Variants in RNF139 observed in about 807,000 individuals in gnomAD.
RNF139 encodes the protein E3 ubiquitin-protein ligase RNF139.
A neutral mutation model predicts 49.5 loss-of-function variants in RNF139; 15 were observed. That is an observed-to-expected ratio of 0.30 (90% CI 0.20 to 0.47). RNF139 has a LOEUF of 0.47. RNF139 is among the 20% of genes least tolerant of loss of function. The pLI is 1.00. For missense variants in RNF139, 619 were observed against 806.3 expected, an observed-to-expected ratio of 0.77 and a Z score of 2.81; for synonymous variants, 325 against 300.9, an observed-to-expected ratio of 1.08 and a Z score of -0.83.
At chr8:124,481,856 A>AT (rs1421141096) in intron 1 of RNF139, among the ~76,000 whole-genome samples, 1 of 152,166 alleles carries the variant, frequency 6.6e-6, no homozygotes, top group Non-Finnish European at 1.5e-5. Context: ...AAACTTTGAT[A>AT]TTATTCTGCA....
chr8:124,486,907 T>C lies in RNF139; in HGVS notation c.1258T>C (p.Leu420=), dbSNP rs777035352. 6.2e-7 allele frequency: 1 copy of C among 1,614,020 alleles called. No individual in the cohort carries two copies. The highest frequency in any genetic ancestry group is 1.7e-5 in the Admixed American group (1 of 59,988). Residue 420 remains leucine (L), a synonymous_variant, in exon 2 of 2, where the codon TTG becomes CTG. Coordinates refer to ENST00000303545, the MANE Select transcript of RNF139 (RefSeq NM_007218.4). ...GCATCACTATGCACTAAATACATGG[T>C]TGTTTGCAGTTACAGCATTTTGTGT... is the stretch of plus-strand genomic sequence containing the variant. ...LWHHYALNTW[L]FAVTAFCVEL...
intron 1 of RNF139, among the ~76,000 whole-genome samples, chr8:124,480,404 TAAAAAAAAAAA>T (rs34661621): frequency 1.1e-5 from 1 of 89,056 alleles, no homozygotes; most frequent in African/African-American, 4.0e-5. Context: ...ACTCCATCAC[TAAAAAAAAAAA>T]AAAAAAAAAA....
intron 1 of RNF139, 131 bp downstream of exon 1, chr8:124,475,421 G>A: frequency 1.1e-6 from 1 of 942,390 alleles, no homozygotes; most frequent in Non-Finnish European, 1.6e-6. Context: ...TCCCTCAAAG[G>A]GTCGTCTTTA....
At chr8:124,484,735 A>T (rs1816500822) in intron 1 of RNF139, among the ~76,000 whole-genome samples, 2 of 152,200 alleles carry the variant, frequency 1.3e-5, no homozygotes, top group Admixed American at 1.3e-4. Flanking sequence ...ACAAAGAAAG[A>T]TGGTGTCTAT....
chr8:124,487,555 G>C lies in RNF139; in HGVS notation c.1906G>C (p.Asp636His), dbSNP rs1486207713. Residue 636 changes from aspartate to histidine, a missense_variant, in exon 2 of 2, where the codon GAT (aspartate) becomes CAT (histidine). By Grantham distance (81) the Asp-to-His change is moderately conservative. Coordinates refer to ENST00000303545, the MANE Select transcript of RNF139 (RefSeq NM_007218.4). ...GGAATTGAACGAAGATGACAGTACAGATTGTGATGATGATGTTCAAAGAGA... is the reference window on the plus strand; with the variant it reads ...GGAATTGAACGAAGATGACAGTACACATTGTGATGATGATGTTCAAAGAGA... ...DRELNEDDSTDCDDDVQRERN... is the reference protein window; with the variant it reads ...DRELNEDDSTHCDDDVQRERN... 10 of 1,614,030 alleles carry C rather than the reference G, an allele frequency of 6.2e-6. No homozygotes were observed. Among genetic ancestry groups the C allele is most frequent in the African/African-American group, 2.7e-5 (2 of 74,952 alleles).
chr8:124,482,572 C>T (rs149943774), intron 1 of RNF139, among the ~76,000 whole-genome samples: 1 of 152,096 alleles, frequency 6.6e-6, no homozygotes, highest in East Asian at 1.9e-4. Context: ...CATATGGCAT[C>T]TGGTAGGCTG....
At chr8:124,476,363 G>A (rs1046595746) in intron 1 of RNF139, among the ~76,000 whole-genome samples, 3 of 152,168 alleles carry the variant, frequency 2.0e-5, no homozygotes, top group African/African-American at 7.2e-5. Context: ...TCCCCCAGAG[G>A]TGGGTGGTGG....
At chr8:124,485,206 A>T (rs1816508462) in intron 1 of RNF139, among the ~76,000 whole-genome samples, 1 of 152,210 alleles carries the variant, frequency 6.6e-6, no homozygotes, top group Admixed American at 6.5e-5. Context: ...TCTACTAAAA[A>T]TACAAAAATT....
Position 124,488,195 on chromosome 8 carries a change from G to C in RNF139, c.*551G>C, listed in dbSNP as rs1816580673. The stretch of plus-strand genomic sequence containing the variant: ...GTAGCAGTGTAATTGAGCTGAGTTT[G>C]AAAGTCCTGATTCAGAGAGAGACTG... On this transcript the variant is annotated 3_prime_UTR_variant, in exon 2 of 2. Transcript: ENST00000303545. 6.6e-6 allele frequency among the ~76,000 whole-genome samples: 1 copy of C among 152,182 alleles called. No individual in the cohort carries two copies. Among genetic ancestry groups the C allele is most frequent in the Non-Finnish European group, 1.5e-5 (1 of 68,026 alleles).
At position 124,486,907 on chromosome 8, in the gene RNF139, T is replaced by G. The variant is rs777035352; in HGVS notation, c.1258T>G (p.Leu420Val). ...LWHHYALNTW[L>V]FAVTAFCVEL... The stretch of plus-strand genomic sequence containing the variant: ...GCATCACTATGCACTAAATACATGG[T>G]TGTTTGCAGTTACAGCATTTTGTGT... The change falls in exon 2 of 2, where the codon TTG (leucine) becomes GTG (valine). Residue 420 changes from leucine to valine, a missense_variant. Leu to Val is a conservative substitution (Grantham distance 32, BLOSUM62 1). This residue lies in a region of RNF139 where 530 missense variants were observed against 728.9 expected (regional missense o/e 0.73). Coordinates refer to ENST00000303545, the MANE Select transcript of RNF139 (RefSeq NM_007218.4). 4 of 1,614,020 alleles carry G rather than the reference T, an allele frequency of 2.5e-6. No individual in the cohort carries two copies. The highest frequency in any genetic ancestry group is 3.4e-6 in the Non-Finnish European group (4 of 1,179,998).
Position 124,485,918 on chromosome 8 carries a change from C to G in RNF139, c.269C>G (p.Ala90Gly), listed in dbSNP as rs1241957715. The change falls in exon 2 of 2, where the codon GCA (alanine) becomes GGA (glycine). Residue 90 changes from alanine (A) to glycine (G), a missense_variant. By Grantham distance (60) the Ala-to-Gly change is moderately conservative (BLOSUM62 0). This residue lies in a region of RNF139 where 530 missense variants were observed against 728.9 expected (regional missense o/e 0.73). Transcript: ENST00000303545. Reference sequence around the variant, plus strand: ...TACAGCTCAGCCTTTCTGTTAGCTGCAACTTCAGTGTTGGTGAATTATTAT... The same window carrying G: ...TACAGCTCAGCCTTTCTGTTAGCTGGAACTTCAGTGTTGGTGAATTATTAT... ...YTYSSAFLLA[A>G]TSVLVNYYAS... is the part of the protein sequence containing the mutation. 1 of 1,614,154 alleles carries G rather than the reference C, an allele frequency of 6.2e-7. No individual in the cohort carries two copies. The highest frequency in any genetic ancestry group is 1.1e-5 in the South Asian group (1 of 91,082).
At chr8:124,480,342 A>G (rs1045278222) in intron 1 of RNF139, among the ~76,000 whole-genome samples, 2 of 149,052 alleles carry the variant, frequency 1.3e-5, no homozygotes, top group African/African-American at 2.5e-5. Context: ...TTAAAAACCT[A>G]TGTTAATCAA....
chr8:124,475,003 G>A lies in RNF139; in HGVS notation c.-107G>A. ...CGTGAGAGAGACAGGAGAGGAAGGA[G>A]GGCAGGGGCGGAGTTGCCCGCCTTA... On this transcript the variant is annotated 5_prime_UTR_variant, in exon 1 of 2. Transcript: ENST00000303545. 1 of 631,462 alleles carries A rather than the reference G, an allele frequency of 1.6e-6. No individual in the cohort carries two copies. Among genetic ancestry groups the A allele is most frequent in the African/African-American group, 1.9e-5 (1 of 52,104 alleles). The allele number at this position is 631,462 out of a possible 1,614,324, so 39.1% of individuals were successfully genotyped here.
intron 1 of RNF139, among the ~76,000 whole-genome samples, chr8:124,477,267 G>A (rs1373622436): frequency 6.6e-6 from 1 of 152,076 alleles, no homozygotes; most frequent in African/African-American, 2.4e-5. Context: ...ATGTAATTAT[G>A]CTAATTTTTC....
rs1467542157 is a variant in RNF139 at position 124,486,526 on chromosome 8, G to T, written c.877G>T (p.Gly293Cys). Residue 293 changes from glycine (G) to cysteine (C), a missense_variant, in exon 2 of 2, where the codon GGC (glycine) becomes TGC (cysteine). This residue lies in a region of RNF139 where 530 missense variants were observed against 728.9 expected (regional missense o/e 0.73). Transcript: ENST00000303545. Reference sequence around the variant, plus strand: ...GTGCGATTCTACACTAACTGTACTGGGCATGAGTGCTGTAATTTCCTCAGT... The same window carrying T: ...GTGCGATTCTACACTAACTGTACTGTGCATGAGTGCTGTAATTTCCTCAGT... ...SGCDSTLTVL[G>C]MSAVISSVAH... 6.2e-7 allele frequency: 1 copy of T among 1,614,014 alleles called. No individual in the cohort carries two copies. The highest frequency in any genetic ancestry group is 8.5e-7 in the Non-Finnish European group (1 of 1,180,016).
Position 124,486,832 on chromosome 8 carries a change from G to A in RNF139, c.1183G>A (p.Val395Ile). ...SFRRHFPVLFVSACLFILPVL... is the reference protein window; with the variant it reads ...SFRRHFPVLFISACLFILPVL... ...TCGTAGACATTTTCCTGTGCTGTTT[G>A]TCTCTGCTTGCCTGTTTATTCTTCC... The change falls in exon 2 of 2, where the codon GTC (valine) becomes ATC (isoleucine). Residue 395 changes from valine (V) to isoleucine (I), a missense_variant. Transcript: ENST00000303545. The A allele has an allele frequency of 1.2e-6, 2 of 1,613,642 alleles. No individual in the cohort carries two copies. The highest frequency in any genetic ancestry group is 1.3e-5 in the African/African-American group (1 of 74,926).
At chr8:124,482,681 G>C (rs4871493) in intron 1 of RNF139, among the ~76,000 whole-genome samples, 12,533 of 151,452 alleles carry the variant, frequency 0.083, 821 homozygotes, top group South Asian at 0.29. Context: ...AATCGCAGTA[G>C]TTTGGGAGGC....
Position 124,486,267 on chromosome 8 carries a change from A to G in RNF139, c.618A>G (p.Arg206=), listed in dbSNP as rs150566597. Residue 206 remains arginine (R), a synonymous_variant, in exon 2 of 2, where the codon CGA becomes CGG. Transcript: ENST00000303545. ...TGAAGTGGTTTTATTATTCCACACG[A>G]TATGTTTATCTTTTGGTGAGGCACA... ...VKLKWFYYST[R]YVYLLVRHMY... 2.5e-5 allele frequency: 41 copies of G among 1,614,102 alleles called. No individual in the cohort carries two copies. In the East Asian group the frequency reaches 7.4e-4, roughly 29 times the overall value.
chr8:124,479,534 A>G (rs1816371073), intron 1 of RNF139, among the ~76,000 whole-genome samples: 1 of 152,172 alleles, frequency 6.6e-6, no homozygotes, highest in South Asian at 2.1e-4. Flanking sequence ...CAGTGGCAGT[A>G]TTGACATTTT....
Sources: allele counts gnomAD v4.1 joint callset (sites outside exome capture counted in the v4.1 genomes callset), GRCh38; gene constraint gnomAD v4.1.1; regional missense constraint gnomAD v4.1.1; transcripts MANE v1.5; gene names NCBI Gene and HGNC (gene_info 2026-07-23, HGNC 2026-07-21).